Variants in CNKSR3 observed in about 807,000 individuals in gnomAD.
The protein encoded by CNKSR3 is CNKSR family member 3.
In CNKSR3, 36 loss-of-function variants were observed where a neutral mutation model predicts 67.7. The ratio of observed to expected loss-of-function variants is 0.53; its 90% CI spans 0.41 to 0.70. The LOEUF (loss-of-function observed/expected upper bound fraction) is 0.70, where lower values mean the gene tolerates loss of function less well. CNKSR3 is among the 30% of genes least tolerant of loss of function. The probability of loss-of-function intolerance (pLI) is 0.00; values close to 1 mark genes in which losing one functional copy is unlikely to be tolerated. For missense variants in CNKSR3, 630 were observed against 695.2 expected (o/e 0.91, Z 1.05); for synonymous variants, 281 against 271.4 (o/e 1.04, Z -0.35).
chr6:154,505,820 C>A (rs911059271), intron 1 of CNKSR3, among the ~76,000 whole-genome samples: 6 of 152,070 alleles, frequency 3.9e-5, no homozygotes, highest in Non-Finnish European at 5.9e-5. Flanking sequence ...TTGTTGAGAG[C>A]CTACCCACTC....
intron 1 of CNKSR3, among the ~76,000 whole-genome samples, chr6:154,508,123 C>T (rs1787139792): frequency 6.6e-6 from 1 of 152,176 alleles, no homozygotes; most frequent in Non-Finnish European, 1.5e-5. Context: ...CTTTCTGCTA[C>T]AGCAGAACTG....
At chr6:154,416,055 T>C (rs1238338868) in intron 9 of CNKSR3, among the ~76,000 whole-genome samples, 23 of 152,134 alleles carry the variant, frequency 1.5e-4, no homozygotes, top group Admixed American at 1.5e-3. Flanking sequence ...CTGAGGCAGG[T>C]AGATCACTTG....
chr6:154,422,245 G>C (rs1329082267), intron 9 of CNKSR3, among the ~76,000 whole-genome samples: 1 of 152,134 alleles, frequency 6.6e-6, no homozygotes, highest in Admixed American at 6.5e-5. Context: ...GCCCGCCTCA[G>C]CCTCCCAAGT....
At position 154,399,534 on chromosome 6, in the gene CNKSR3, G is replaced by A. The variant is rs754224260; in HGVS notation, c.*6820C>T. 3.6e-4 allele frequency: 54 copies of A among 152,038 alleles called. No individual in the cohort carries two copies. The highest frequency in any genetic ancestry group is 7.4e-4 in the Non-Finnish European group (50 of 68,022). 9.4% of individuals were successfully genotyped at this position (152,038 alleles called of 1,614,324 possible). On this transcript the variant is annotated 3_prime_UTR_variant, in exon 13 of 13. Coordinates refer to ENST00000607772, the MANE Select transcript of CNKSR3 (RefSeq NM_173515.4). ...CATAAGTGGCAAAGTGAGACAGCTGGATGATCCAACTTCAAAAGCTGAGCC... is the reference window on the plus strand; with the variant it reads ...CATAAGTGGCAAAGTGAGACAGCTGAATGATCCAACTTCAAAAGCTGAGCC...
intron 1 of CNKSR3, among the ~76,000 whole-genome samples, chr6:154,470,482 T>G (rs964835751): frequency 6.6e-6 from 1 of 152,130 alleles, no homozygotes; most frequent in Non-Finnish European, 1.5e-5. Context: ...CGAATGTACT[T>G]TCTATCTCTA....
Position 154,401,274 on chromosome 6 carries a change from G to T in CNKSR3, c.*5080C>A, listed in dbSNP as rs1412387200. On this transcript the variant is annotated 3_prime_UTR_variant, in exon 13 of 13. Transcript: ENST00000607772. The stretch of plus-strand genomic sequence containing the variant: ...AATACCATAAGTGGGCCTTTGGGAA[G>T]TGAGTAGGTCCTGAGGGTGGAGCCC... The T allele has an allele frequency of 3.3e-5, 5 of 152,232 alleles. No individual in the cohort carries two copies. Among genetic ancestry groups the T allele is most frequent in the African/African-American group, 1.2e-4 (5 of 41,444 alleles). The allele number at this position is 152,232 out of a possible 1,614,324, so 9.4% of individuals were successfully genotyped here. A position where few individuals can be genotyped will look rare whatever the true frequency, so the allele number is the denominator to read the frequency against.
chr6:154,488,213 C>T (rs1786717532), intron 1 of CNKSR3, among the ~76,000 whole-genome samples: 1 of 152,078 alleles, frequency 6.6e-6, no homozygotes, highest in Non-Finnish European at 1.5e-5. Flanking sequence ...CAACCTTAAC[C>T]CACAAAATTG....
chr6:154,509,530 G>A (rs894019613), intron 1 of CNKSR3, among the ~76,000 whole-genome samples: 7 of 152,164 alleles, frequency 4.6e-5, no homozygotes, highest in Non-Finnish European at 1.0e-4. Flanking sequence ...GTTGGCTTTT[G>A]CGCGGCCCTC....
chr6:154,506,880 A>G (rs1328849452), intron 1 of CNKSR3, among the ~76,000 whole-genome samples: 1 of 152,254 alleles, frequency 6.6e-6, no homozygotes, highest in Non-Finnish European at 1.5e-5. Flanking sequence ...CTCCTCCGCT[A>G]CCATATGCTA....
At chr6:154,414,578 T>C (rs1308288991) in intron 9 of CNKSR3, 155 bp from the exon 10 acceptor site, 4 of 784,794 alleles carry the variant, frequency 5.1e-6, no homozygotes, top group South Asian at 2.9e-5. Flanking sequence ...ATATTTAACT[T>C]ACATTCTTCT....
rs1387902325 is a variant in CNKSR3, at chr6:154,410,370, CA to C, written c.1341del (p.Phe447LeufsTer107). The C allele has an allele frequency of 6.2e-7, 1 of 1,614,032 alleles. No homozygotes were observed. The highest frequency in any genetic ancestry group is 8.5e-7 in the Non-Finnish European group (1 of 1,179,958). On this transcript the variant is annotated frameshift_variant, in exon 12 of 13. Transcript: ENST00000607772. LOFTEE classifies it high-confidence loss of function. ...TTCCTGCCATGACCTCGAGGTCTGG[CA>C]AAAGGGTCCACAATCCCCATCCAGT... ...DGNWMGIVDPFARPRGHGRKG... is the reference protein window; with the variant it reads ...DGNWMGIVDPXARPRGHGRKG...
Position 154,410,938 on chromosome 6 carries a change from A to C in CNKSR3, c.1275T>G (p.Ser425=). 1.2e-6 allele frequency: 2 copies of C among 1,610,904 alleles called. No individual in the cohort carries two copies. The highest frequency in any genetic ancestry group is 8.5e-7 in the Non-Finnish European group (1 of 1,177,920). The part of the protein sequence containing the change: ...LPTKMREKTP[S]YGKPRPLSMP... ...AAACAAACACTTGAAACTTACCATA[A>C]GATGGTGTTTTCTCTCTCATTTTTG... Residue 425 remains serine, a synonymous_variant, in exon 11 of 13, where the codon TCT becomes TCG. Transcript: ENST00000607772.
chr6:154,500,982 A>T (rs1786984168), intron 1 of CNKSR3, among the ~76,000 whole-genome samples: 1 of 152,198 alleles, frequency 6.6e-6, no homozygotes, highest in Non-Finnish European at 1.5e-5. Flanking sequence ...CGCAGCAAAA[A>T]GTGCCAGAAA....
chr6:154,458,869 G>A lies in CNKSR3; in HGVS notation c.53-8611C>T, dbSNP rs373633373. On this transcript the variant is annotated intron_variant, in intron 1 of 12. Transcript: ENST00000607772. ...TAATTTGAAGAACGGGGACCATGAT[G>A]AAACATAATGTCTGAAAACTGGATT... 1.9e-4 allele frequency among the ~76,000 whole-genome samples: 29 copies of A among 152,284 alleles called. 1 individual carries two copies. In the East Asian group the frequency reaches 3.7e-3, roughly 19 times the overall value.
chr6:154,452,006 A>T (rs1785845205), intron 1 of CNKSR3, among the ~76,000 whole-genome samples: 1 of 152,176 alleles, frequency 6.6e-6, no homozygotes, highest in Non-Finnish European at 1.5e-5. Flanking sequence ...GTTGAGACCA[A>T]CACCCTACCT....
chr6:154,469,492 C>T (rs1786276268), intron 1 of CNKSR3, among the ~76,000 whole-genome samples: 1 of 152,154 alleles, frequency 6.6e-6, no homozygotes, highest in Admixed American at 6.5e-5. Context: ...CCAAAGGCTA[C>T]GTGGGCACCA....
chr6:154,504,785 G>A (rs1445939406), intron 1 of CNKSR3, among the ~76,000 whole-genome samples: 1 of 151,654 alleles, frequency 6.6e-6, no homozygotes, highest in Non-Finnish European at 1.5e-5. Context: ...CGAGGTGGGA[G>A]GATCACTTGA....
chr6:154,412,302 T>G (rs1784927141), intron 10 of CNKSR3, among the ~76,000 whole-genome samples: 2 of 152,332 alleles, frequency 1.3e-5, no homozygotes, highest in East Asian at 3.9e-4. Flanking sequence ...TCCATTCCCA[T>G]TTTTCATTCC....
chr6:154,439,254 G>T (rs1400619436), intron 4 of CNKSR3, among the ~76,000 whole-genome samples: 5 of 152,122 alleles, frequency 3.3e-5, no homozygotes. Flanking sequence ...GCTCCAGAAG[G>T]TCAGGGACTT....
Sources: gnomAD v4.1 joint callset for allele counts (sites outside exome capture counted in the v4.1 genomes callset) on GRCh38, gnomAD v4.1.1 for gene constraint, MANE v1.5 for transcripts, NCBI Gene and HGNC (gene_info 2026-07-23, HGNC 2026-07-21) for gene names.